RAD51B: variants seen among roughly 807,000 people sequenced by gnomAD.
RAD51B encodes the protein DNA repair protein RAD51 homolog 2.
RAD51B carries 38 observed loss-of-function variants against 42.2 expected under a neutral mutation model. That is an observed-to-expected ratio of 0.90 (90% confidence interval 0.70 to 1.18). The LOEUF (loss-of-function observed/expected upper bound fraction) is 1.18, where lower values mean the gene tolerates loss of function less well. Ranked by LOEUF, RAD51B falls within the 50% of genes most tolerant of loss-of-function variation. The pLI is 0.00. For missense variants in RAD51B, 373 were observed against 400.7 expected, an observed-to-expected ratio of 0.93 and a Z score of 0.59; for synonymous variants, 154 against 145.2, an observed-to-expected ratio of 1.06 and a Z score of -0.43.
exon 11 of RAD51B, chr14:68,594,836 C>A: frequency 5.0e-6 from 6 of 1,200,356 alleles, no homozygotes; most frequent in Non-Finnish European, 6.3e-6. Flanking sequence ...GCTCAGGTGC[C>A]CCTCCCCAGA....
At chr14:68,083,732 T>C (rs765368132) in intron 7 of RAD51B, among the ~76,000 whole-genome samples, 2 of 152,222 alleles carry the variant, frequency 1.3e-5, no homozygotes, top group Non-Finnish European at 2.9e-5. Flanking sequence ...AAGTAAATCA[T>C]ATTAATTTAG....
chr14:67,864,699 T>C, intron 4 of RAD51B: 2 of 475,968 alleles, frequency 4.2e-6, no homozygotes, highest in East Asian at 5.9e-5. Context: ...AATGAGTGAA[T>C]GTTTCAGCCT....
intron 7 of RAD51B, among the ~76,000 whole-genome samples, chr14:68,098,381 G>T (rs1268279037): frequency 6.6e-6 from 1 of 152,214 alleles, no homozygotes; most frequent in Admixed American, 6.5e-5. Flanking sequence ...TAAGCAATTA[G>T]ACATACAATG....
intron 10 of RAD51B, among the ~76,000 whole-genome samples, chr14:68,524,213 C>T (rs1053453031): frequency 1.3e-5 from 2 of 151,906 alleles, no homozygotes; most frequent in African/African-American, 2.4e-5. Flanking sequence ...TGCTCCTGAC[C>T]GACCGACAGA....
rs150345175 is a variant in RAD51B, at chr14:68,164,999, C to T, written c.757-126885C>T. On this transcript the variant is annotated intron_variant, in intron 7 of 10. Transcript: ENST00000471583. ...CCAGATAAAACATTTTAGACACTCA[C>T]GTATTTGTCTTAGTAAATCAGACAA... is the stretch of plus-strand genomic sequence containing the variant. 4.7e-3 allele frequency among the ~76,000 whole-genome samples: 708 copies of T among 152,242 alleles called. 2 individuals carry two copies. Among genetic ancestry groups the T allele is most frequent in the Middle Eastern group, 0.014 (4 of 294 alleles).
chr14:67,863,607 G>T (rs2042230959), intron 4 of RAD51B, among the ~76,000 whole-genome samples: 2 of 151,410 alleles, frequency 1.3e-5, no homozygotes, highest in South Asian at 4.2e-4. Context: ...CCCTCTCTTA[G>T]ATTTTTTTTT....
intron 10 of RAD51B, among the ~76,000 whole-genome samples, chr14:68,573,980 A>ATG (rs58865001): frequency 0.25 from 37,347 of 149,616 alleles, 4,917 homozygotes; most frequent in East Asian, 0.62. Flanking sequence ...CAGTGTGTGT[A>ATG]TGTGTGTGTG....
intron 3 of RAD51B, among the ~76,000 whole-genome samples, chr14:67,828,855 G>T (rs1260169487): frequency 3.3e-5 from 5 of 152,220 alleles, no homozygotes; most frequent in African/African-American, 1.2e-4. Flanking sequence ...GTCTGTTTTT[G>T]TATCAGTACC....
At chr14:67,855,219 A>C (rs2041949558) in intron 4 of RAD51B, among the ~76,000 whole-genome samples, 2 of 148,822 alleles carry the variant, frequency 1.3e-5, no homozygotes, top group Admixed American at 1.4e-4. Flanking sequence ...TTTTTCTTGG[A>C]ACAATTACTA....
intron 11 of RAD51B, among the ~76,000 whole-genome samples, chr14:68,668,494 C>A (rs1893080976): frequency 1.3e-5 from 2 of 152,234 alleles, no homozygotes; most frequent in African/African-American, 4.8e-5. Context: ...AGAGTCATGT[C>A]AGCCACTTTC....
chr14:68,118,603 G>A (rs1272051784), intron 7 of RAD51B, among the ~76,000 whole-genome samples: 1 of 152,216 alleles, frequency 6.6e-6, no homozygotes, highest in Non-Finnish European at 1.5e-5. Flanking sequence ...AGGGTAAGAT[G>A]TGCTTGGGCA....
intron 7 of RAD51B, among the ~76,000 whole-genome samples, chr14:68,232,554 T>C (rs2080169505): frequency 1.3e-5 from 2 of 152,096 alleles, no homozygotes; most frequent in African/African-American, 2.4e-5. Context: ...TGATATCCAT[T>C]GGGAGGAAAA....
At chr14:68,603,103 C>T (rs1185811773) in intron 10 of RAD51B, among the ~76,000 whole-genome samples, 3 of 152,170 alleles carry the variant, frequency 2.0e-5, no homozygotes, top group African/African-American at 4.8e-5. Flanking sequence ...CTCTCCTCTC[C>T]CTCTAGTGTC....
intron 2 of RAD51B, among the ~76,000 whole-genome samples, chr14:67,825,108 G>C (rs1226843865): frequency 2.2e-5 from 2 of 92,052 alleles, no homozygotes; most frequent in East Asian, 2.6e-4. Context: ...AAAAAAAAAA[G>C]GAAAGAAACT....
chr14:68,040,156 A>G (rs1459409338), intron 7 of RAD51B, among the ~76,000 whole-genome samples: 3 of 152,220 alleles, frequency 2.0e-5, no homozygotes, highest in Admixed American at 6.5e-5. Context: ...CATTTGATTA[A>G]AGTATAGCTT....
intron 5 of RAD51B, among the ~76,000 whole-genome samples, chr14:67,881,510 T>C (rs189518870): frequency 6.6e-6 from 1 of 152,292 alleles, no homozygotes; most frequent in East Asian, 1.9e-4. Flanking sequence ...GCTTCCTCTC[T>C]GGTACTCTGC....
intron 5 of RAD51B, among the ~76,000 whole-genome samples, chr14:67,873,983 A>C (rs2042638408): frequency 6.6e-6 from 1 of 151,230 alleles, no homozygotes; most frequent in East Asian, 1.9e-4. Flanking sequence ...GATATACCTA[A>C]TGCTAGATGA....
intron 8 of RAD51B, among the ~76,000 whole-genome samples, chr14:68,390,920 A>T (rs562986858): frequency 1.7e-4 from 26 of 152,206 alleles, no homozygotes; most frequent in Non-Finnish European, 3.1e-4. Flanking sequence ...GGATCTAAAG[A>T]CGTACTTGTC....
chr14:68,185,669 G>T (rs2079143563), intron 7 of RAD51B, among the ~76,000 whole-genome samples: 1 of 152,142 alleles, frequency 6.6e-6, no homozygotes, highest in Non-Finnish European at 1.5e-5. Context: ...TTCCGTGGAT[G>T]GGGGCGGGGG....
Sources: gnomAD v4.1 joint callset for allele counts (sites outside exome capture counted in the v4.1 genomes callset) on GRCh38, gnomAD v4.1.1 for gene constraint, MANE v1.5 for transcripts, NCBI Gene and HGNC (gene_info 2026-07-23, HGNC 2026-07-21) for gene names.